UQCC1: variants seen among roughly 807,000 people sequenced by gnomAD.
The protein encoded by UQCC1 is ubiquinol-cytochrome c reductase complex assembly factor 1.
UQCC1 carries 38 observed loss-of-function variants against 48.0 expected under a neutral mutation model. That is an observed-to-expected ratio of 0.79 (90% CI 0.61 to 1.04). The LOEUF is 1.04. Among genes scored for constraint, UQCC1 ranks in the 50% least tolerant of loss-of-function variants. UQCC1 has a pLI of 0.00. For synonymous variants in UQCC1, 111 were observed against 129.2 expected, an observed-to-expected ratio of 0.86 and a Z score of 0.95; for missense variants, 368 against 381.8, an observed-to-expected ratio of 0.96 and a Z score of 0.30.
rs150565693 is a variant in UQCC1 at position 35,395,507 on chromosome 20, T to TAA, written c.25-1313_25-1312dup. ...ATGGTTGAAAGGGGCTTATTATAAA[T>TAA]AAATAAAAAAAAAACCATTCCTCTC... On this transcript the variant is annotated intron_variant, in intron 1 of 9. Coordinates refer to ENST00000374385, the MANE Select transcript of UQCC1 (RefSeq NM_018244.5). 8.1e-3 allele frequency among the ~76,000 whole-genome samples: 1,164 copies of TAA among 142,890 alleles called. 10 individuals are homozygous for TAA. Among genetic ancestry groups the TAA allele is most frequent in the African/African-American group, 0.026 (1,045 of 39,508 alleles). 93.7% of individuals were successfully genotyped at this position (142,890 alleles called of 152,430 possible). A position where few individuals can be genotyped will look rare whatever the true frequency, so the allele number is the denominator to read the frequency against.
chr20:35,382,143 C>T (rs2061878133), intron 3 of UQCC1, 118 bp from the exon 4 acceptor site: 4 of 585,242 alleles, frequency 6.8e-6, no homozygotes, highest in South Asian at 4.0e-5. Context: ...GTCTCCTCCC[C>T]TCACCCAGGC....
chr20:35,315,460 G>C, intron 7 of UQCC1: 1 of 152,474 alleles, frequency 6.6e-6, no homozygotes. Context: ...AGAAGGAAGT[G>C]GTCAGAGGTG....
intron 4 of UQCC1, among the ~76,000 whole-genome samples, chr20:35,378,991 A>G (rs913023024): frequency 1.3e-5 from 2 of 152,320 alleles, no homozygotes; most frequent in Non-Finnish European, 2.9e-5. Context: ...TGAAATGTTC[A>G]TAAGGCTCAC....
At chr20:35,348,095 T>C (rs117110107) in intron 6 of UQCC1, among the ~76,000 whole-genome samples, 37 of 152,346 alleles carry the variant, frequency 2.4e-4, no homozygotes, top group Non-Finnish European at 3.8e-4. Context: ...ATCTGGTTTT[T>C]GTCAACATTT....
At chr20:35,309,351 G>C in intron 8 of UQCC1, 1 of 366,188 alleles carries the variant, frequency 2.7e-6, no homozygotes, top group Middle Eastern at 9.8e-4. Flanking sequence ...ATGATCACCT[G>C]GGCCTGGGGA....
intron 7 of UQCC1, among the ~76,000 whole-genome samples, chr20:35,320,649 T>C (rs2061114052): frequency 6.6e-6 from 1 of 152,140 alleles, no homozygotes; most frequent in African/African-American, 2.4e-5. Flanking sequence ...ACATCAGATA[T>C]CCCTAGTAGA....
At chr20:35,409,051 T>C (rs936514884) in intron 1 of UQCC1, among the ~76,000 whole-genome samples, 2 of 152,066 alleles carry the variant, frequency 1.3e-5, no homozygotes, top group African/African-American at 2.4e-5. Flanking sequence ...GAAAAGACTA[T>C]AGAGAGTTAT....
chr20:35,411,647 T>A (rs983149708), intron 1 of UQCC1, among the ~76,000 whole-genome samples: 2 of 152,090 alleles, frequency 1.3e-5, no homozygotes, highest in Non-Finnish European at 2.9e-5. Flanking sequence ...GTGTCCTACA[T>A]GCTCCTCTCC....
chr20:35,340,627 G>A (rs569580684), intron 7 of UQCC1, among the ~76,000 whole-genome samples: 36 of 152,274 alleles, frequency 2.4e-4, no homozygotes, highest in African/African-American at 6.5e-4. Context: ...TGAGACCACA[G>A]GCATGTGCCA....
intron 7 of UQCC1, among the ~76,000 whole-genome samples, chr20:35,336,177 A>G (rs1210888406): frequency 6.6e-6 from 1 of 152,266 alleles, no homozygotes; most frequent in Non-Finnish European, 1.5e-5. Context: ...AGTAGTAATT[A>G]AAAGCACAGG....
intron 5 of UQCC1, among the ~76,000 whole-genome samples, chr20:35,367,576 T>C (rs749220465): frequency 2.0e-5 from 3 of 151,786 alleles, no homozygotes; most frequent in African/African-American, 4.8e-5. Context: ...CTGGGAAACA[T>C]AGTGAGACCC....
intron 7 of UQCC1, among the ~76,000 whole-genome samples, chr20:35,320,640 C>T (rs967784139): frequency 1.3e-5 from 2 of 152,196 alleles, no homozygotes; most frequent in African/African-American, 4.8e-5. Context: ...GTTACTAATA[C>T]ATCAGATATC....
rs533664322 is a variant in UQCC1, at chr20:35,389,249, G to A, written c.129+4843C>T. On this transcript the variant is annotated intron_variant, in intron 2 of 9. Coordinates refer to ENST00000374385, the MANE Select transcript of UQCC1 (RefSeq NM_018244.5). ...AGGCGTTCCCAATAGCCCAAGCTGG[G>A]ACAATCTAATCAACAAAATAACTAA... Among the ~76,000 whole-genome samples the A allele has an allele frequency of 5.3e-5, 8 of 152,158 alleles. No individual in the cohort carries two copies. The East Asian group carries it at 1.5e-3, about 29-fold the overall frequency.
intron 6 of UQCC1, among the ~76,000 whole-genome samples, chr20:35,362,169 C>G (rs746135601): frequency 6.6e-6 from 1 of 152,066 alleles, no homozygotes; most frequent in Non-Finnish European, 1.5e-5. Context: ...AGTGGAGAGG[C>G]GGGGGAAGGG....
intron 2 of UQCC1, among the ~76,000 whole-genome samples, chr20:35,390,005 C>T (rs764294934): frequency 1.3e-5 from 2 of 152,138 alleles, no homozygotes; most frequent in Non-Finnish European, 2.9e-5. Context: ...AGAAGGAAAT[C>T]CTGTCATGTG....
chr20:35,405,537 A>T (rs1186782303), intron 1 of UQCC1, among the ~76,000 whole-genome samples: 2 of 152,282 alleles, frequency 1.3e-5, no homozygotes, highest in Non-Finnish European at 2.9e-5. Context: ...GCAGACAAAG[A>T]GATTTTTAAC....
intron 2 of UQCC1, chr20:35,392,087 A>G: frequency 2.0e-6 from 1 of 494,174 alleles, no homozygotes; most frequent in South Asian, 1.8e-5. Context: ...GGCCCTTGAC[A>G]TACATTCATC....
chr20:35,385,072 T>C (rs1244608733), intron 2 of UQCC1, among the ~76,000 whole-genome samples: 1 of 151,162 alleles, frequency 6.6e-6, no homozygotes, highest in Non-Finnish European at 1.5e-5. Flanking sequence ...TATTTAAATA[T>C]GGGCAGCAGT....
At chr20:35,371,819 G>A (rs545748985) in intron 5 of UQCC1, among the ~76,000 whole-genome samples, 1 of 151,744 alleles carries the variant, frequency 6.6e-6, no homozygotes, top group African/African-American at 2.4e-5. Flanking sequence ...AGACCAGCCT[G>A]GGCAACATAG....
Sources: allele counts gnomAD v4.1 joint callset (sites outside exome capture counted in the v4.1 genomes callset), GRCh38; gene constraint gnomAD v4.1.1; transcripts MANE v1.5; gene names NCBI Gene and HGNC (gene_info 2026-07-23, HGNC 2026-07-21).